ADAMTSL1: variants seen among roughly 807,000 people sequenced by gnomAD.
The protein encoded by ADAMTSL1 is ADAMTS like 1.
Under a neutral mutation model 201.8 loss-of-function variants are expected in ADAMTSL1, and 126 were observed. The observed-to-expected ratio is 0.62, with a 90% confidence interval of 0.54 to 0.72. The LOEUF (loss-of-function observed/expected upper bound fraction) is 0.72. Among genes scored for constraint, ADAMTSL1 ranks in the 30% least tolerant of loss-of-function variants. The probability of loss-of-function intolerance (pLI) is 0.00; values close to 1 mark genes in which losing one functional copy is unlikely to be tolerated. For missense variants in ADAMTSL1, 2,679 were observed against 2,277.8 expected, an observed-to-expected ratio of 1.18 and a Z score of -3.59; for synonymous variants, 1,121 against 903.4, an observed-to-expected ratio of 1.24 and a Z score of -4.32.
intron 2 of ADAMTSL1, among the ~76,000 whole-genome samples, chr9:18,370,717 A>C (rs1488807614): frequency 1.3e-5 from 2 of 150,886 alleles, no homozygotes; most frequent in Non-Finnish European, 2.9e-5. Flanking sequence ...TTTAAGAAAG[A>C]AAGCACAGCT....
intron 9 of ADAMTSL1, among the ~76,000 whole-genome samples, chr9:18,670,970 C>T (rs1160820050): frequency 6.6e-6 from 1 of 151,152 alleles, no homozygotes; most frequent in African/African-American, 2.4e-5. Flanking sequence ...CCTCTGTGTA[C>T]TTTAAATCAT....
chr9:18,717,911 G>A (rs2133399783), intron 14 of ADAMTSL1: 1 of 1,094,934 alleles, frequency 9.1e-7, no homozygotes, highest in South Asian at 1.3e-5. Context: ...TGGAGTGTTG[G>A]CACTATTGAA....
intron 2 of ADAMTSL1, among the ~76,000 whole-genome samples, chr9:18,289,789 G>A (rs376968515): frequency 1.4e-4 from 22 of 152,058 alleles, no homozygotes; most frequent in African/African-American, 4.1e-4. Context: ...TTTAATATTC[G>A]GGCCAAAGTA....
At chr9:18,764,026 G>A (rs1318827715) in intron 16 of ADAMTSL1, among the ~76,000 whole-genome samples, 1 of 152,096 alleles carries the variant, frequency 6.6e-6, no homozygotes, top group African/African-American at 2.4e-5. Context: ...TTCTATTTCT[G>A]TGAAGAATGC....
In ADAMTSL1 at chr9:18,777,548, G is replaced by A; in HGVS notation, c.3319G>A (p.Glu1107Lys). The A allele has an allele frequency of 6.2e-7, 1 of 1,604,466 alleles. No homozygotes were observed. The highest frequency in any genetic ancestry group is 1.1e-5 in the South Asian group (1 of 89,240). ...GCACCTGGTGGCCCAGCTGGCCCAG[G>A]AGATCTTCCGCAGCCACCTGGAGCA... The part of the protein sequence containing the change: ...SKHLVAQLAQ[E>K]IFRSHLEHQD... The change falls in exon 19 of 29, where the codon GAG (glutamate) becomes AAG (lysine). Residue 1107 changes from glutamate (E) to lysine (K), a missense_variant. Coordinates refer to ENST00000380548, the MANE Select transcript of ADAMTSL1 (RefSeq NM_001040272.6).
intron 2 of ADAMTSL1, among the ~76,000 whole-genome samples, chr9:18,526,929 G>C (rs186431113): frequency 6.6e-6 from 1 of 152,106 alleles, no homozygotes; most frequent in African/African-American, 2.4e-5. Flanking sequence ...GCGAAACATG[G>C]CTTTATGTCT....
chr9:18,799,705 A>G (rs1822659083), intron 20 of ADAMTSL1, among the ~76,000 whole-genome samples: 1 of 152,196 alleles, frequency 6.6e-6, no homozygotes, highest in African/African-American at 2.4e-5. Context: ...ACATTTTCAC[A>G]GGAAGGGAGA....
intron 3 of ADAMTSL1, among the ~76,000 whole-genome samples, chr9:18,562,755 T>C (rs1479446226): frequency 2.0e-5 from 3 of 152,218 alleles, no homozygotes. Context: ...CACGGTTTAT[T>C]TCATTAAGAT....
At chr9:18,376,731 A>G (rs1301674206) in intron 2 of ADAMTSL1, among the ~76,000 whole-genome samples, 5 of 152,100 alleles carry the variant, frequency 3.3e-5, no homozygotes, top group Non-Finnish European at 4.4e-5. Flanking sequence ...ACTTGAACCC[A>G]GGAGGCAGAG....
chr9:17,975,434 C>CT (rs1818406388), intron 1 of ADAMTSL1, among the ~76,000 whole-genome samples: 1 of 152,012 alleles, frequency 6.6e-6, no homozygotes, highest in Non-Finnish European at 1.5e-5. Flanking sequence ...CATCTTCTAG[C>CT]TGTGTCTTCG....
chr9:18,546,519 A>G (rs1820477212), intron 3 of ADAMTSL1, among the ~76,000 whole-genome samples: 1 of 152,094 alleles, frequency 6.6e-6, no homozygotes, highest in Non-Finnish European at 1.5e-5. Flanking sequence ...ACATACCAAC[A>G]TCCCTTTCCC....
intron 15 of ADAMTSL1, among the ~76,000 whole-genome samples, chr9:18,740,817 C>T (rs1157999765): frequency 6.6e-6 from 1 of 152,076 alleles, no homozygotes; most frequent in East Asian, 1.9e-4. Context: ...ATTTCAAAGT[C>T]CCAGTTCCCT....
chr9:18,399,326 TATAAAA>T (rs1817888790), intron 2 of ADAMTSL1, among the ~76,000 whole-genome samples: 1 of 112,074 alleles, frequency 8.9e-6, no homozygotes, highest in African/African-American at 3.3e-5. Context: ...TATATATATA[TATAAAA>T]TTATTATTTT....
intron 2 of ADAMTSL1, among the ~76,000 whole-genome samples, chr9:18,524,223 A>G (rs1358266677): frequency 6.6e-6 from 1 of 152,208 alleles, no homozygotes; most frequent in Non-Finnish European, 1.5e-5. Context: ...GAGTTCTCTC[A>G]TGATTTGGCT....
chr9:17,983,665 A>G (rs1017368498), intron 1 of ADAMTSL1, among the ~76,000 whole-genome samples: 10 of 152,334 alleles, frequency 6.6e-5, no homozygotes, highest in African/African-American at 2.4e-4. Context: ...TTTAAATGGA[A>G]ATACATAAGG....
At chr9:18,165,424 C>G (rs1321315588) in intron 2 of ADAMTSL1, among the ~76,000 whole-genome samples, 1 of 151,866 alleles carries the variant, frequency 6.6e-6, no homozygotes, top group Non-Finnish European at 1.5e-5. Flanking sequence ...ATTTTTGTCA[C>G]TTGGTAAGCA....
intron 2 of ADAMTSL1, among the ~76,000 whole-genome samples, chr9:18,204,864 A>G (rs1829588412): frequency 6.6e-6 from 1 of 152,196 alleles, no homozygotes; most frequent in Admixed American, 6.5e-5. Flanking sequence ...TTGTTCTAGA[A>G]TAAGCTTTTG....
chr9:18,336,878 T>C (rs558879629), intron 2 of ADAMTSL1, among the ~76,000 whole-genome samples: 1 of 152,324 alleles, frequency 6.6e-6, no homozygotes, highest in South Asian at 2.1e-4. Context: ...ACTCTAATAA[T>C]GATATTATAA....
At chr9:18,428,992 AG>A (rs544110495) in intron 2 of ADAMTSL1, among the ~76,000 whole-genome samples, 84 of 152,304 alleles carry the variant, frequency 5.5e-4, no homozygotes, top group African/African-American at 1.9e-3. Flanking sequence ...ATCAAAAGTC[AG>A]CTATAAGTTC....
Sources: gnomAD v4.1 joint callset for allele counts (sites outside exome capture counted in the v4.1 genomes callset) on GRCh38, gnomAD v4.1.1 for gene constraint, MANE v1.5 for transcripts, NCBI Gene and HGNC (gene_info 2026-07-23, HGNC 2026-07-21) for gene names.